LEMD1: variants seen among roughly 807,000 people sequenced by gnomAD.
LEMD1 encodes the protein LEM domain containing 1.
A neutral mutation model predicts 17.4 loss-of-function variants in LEMD1; 18 were observed. The observed-to-expected ratio is 1.04, with a 90% CI of 0.72 to 1.54. LEMD1 has a LOEUF of 1.54. Ranked by LOEUF, LEMD1 falls within the 40% of genes most tolerant of loss-of-function variation. The pLI is 0.00. For missense variants in LEMD1, 195 were observed against 210.4 expected, an observed-to-expected ratio of 0.93 and a Z score of 0.45; for synonymous variants, 88 against 77.8, an observed-to-expected ratio of 1.13 and a Z score of -0.69.
chr1:205,444,724 G>A (rs1437008935), intron 1 of LEMD1, among the ~76,000 whole-genome samples: 1 of 152,162 alleles, frequency 6.6e-6, no homozygotes. Context: ...AGAGTGGGCG[G>A]CAGCGGGGGT....
At chr1:205,444,065 T>TC (rs1666341745) in intron 1 of LEMD1, among the ~76,000 whole-genome samples, 1 of 151,014 alleles carries the variant, frequency 6.6e-6, no homozygotes, top group Non-Finnish European at 1.5e-5. Context: ...GGGGGAGGAG[T>TC]CTGGACTAGC....
At chr1:205,438,180 G>C (rs561170719) in intron 1 of LEMD1, among the ~76,000 whole-genome samples, 1 of 152,222 alleles carries the variant, frequency 6.6e-6, no homozygotes, top group Non-Finnish European at 1.5e-5. Context: ...GCCATGGGAA[G>C]TCCTCGCTTT....
chr1:205,409,816 A>G (rs1402697709), intron 4 of LEMD1, among the ~76,000 whole-genome samples: 1 of 151,262 alleles, frequency 6.6e-6, no homozygotes, highest in Non-Finnish European at 1.5e-5. Flanking sequence ...CTTGTTGCCC[A>G]GGCTGGAGGG....
At chr1:205,399,770 A>G (rs141558935) in intron 4 of LEMD1, among the ~76,000 whole-genome samples, 2 of 152,362 alleles carry the variant, frequency 1.3e-5, no homozygotes, top group East Asian at 3.8e-4. Context: ...GATGAAAAGA[A>G]ATCAATGAAT....
chr1:205,447,739 C>T lies in LEMD1; in HGVS notation c.-39+2129G>A, dbSNP rs897392739. Among the ~76,000 whole-genome samples, 3 of 127,972 alleles carry T rather than the reference C, an allele frequency of 2.3e-5. No individual in the cohort carries two copies. In the South Asian group the frequency reaches 8.5e-4, roughly 36 times the overall value. The allele number at this position is 127,972 out of a possible 152,430, so 84.0% of individuals were successfully genotyped here. On this transcript the variant is annotated intron_variant, in intron 1 of 3. Coordinates refer to the LEMD1 transcript ENST00000367154. ...CACCAGGAGCCAGGGACCCTGGAGT[C>T]CAGCCTGTCGCCCGGGGGAGCGCCT... is the stretch of plus-strand genomic sequence containing the variant.
In LEMD1 at chr1:205,392,440, G is replaced by A. The variant is rs139996389; in HGVS notation, c.271-8076C>T. 1.4e-3 allele frequency among the ~76,000 whole-genome samples: 210 copies of A among 152,154 alleles called. 1 individual carries two copies. In the East Asian group the frequency reaches 0.036, roughly 26 times the overall value. On this transcript the variant is annotated intron_variant, in intron 4 of 5. Coordinates refer to ENST00000367153, the MANE Select transcript of LEMD1 (RefSeq NM_001199050.2). Reference sequence around the variant, plus strand: ...GCCTGTAGTCCCAGCTACTCGGGAGGCTGAGGCAGGAGGATCGTTTGAGCC... The same window carrying A: ...GCCTGTAGTCCCAGCTACTCGGGAGACTGAGGCAGGAGGATCGTTTGAGCC...
At chr1:205,447,053 C>T (rs773085766) in intron 1 of LEMD1, among the ~76,000 whole-genome samples, 7 of 152,242 alleles carry the variant, frequency 4.6e-5, no homozygotes, top group Admixed American at 1.3e-4. Context: ...AACAACCTCC[C>T]GTCTGGGTAC....
At chr1:205,440,043 T>C (rs7552585) in intron 1 of LEMD1, among the ~76,000 whole-genome samples, 133,496 of 151,944 alleles carry the variant, frequency 0.88, 59,625 homozygotes, top group East Asian at 0.99. Flanking sequence ...GCACCACATA[T>C]GAACGCAGTC....
At chr1:205,437,974 T>C (rs1666235812) in intron 1 of LEMD1, 1 of 152,204 alleles carries the variant, frequency 6.6e-6, no homozygotes, top group Admixed American at 6.5e-5. Flanking sequence ...TGAACCCATA[T>C]GCTACATGCA....
At chr1:205,419,179 G>A (rs753137212) in intron 3 of LEMD1, 51 bp downstream of exon 3, 27 of 1,594,908 alleles carry the variant, frequency 1.7e-5, no homozygotes, top group South Asian at 1.1e-5. Context: ...TGCTGGACAA[G>A]GTATTAATAA....
At chr1:205,445,846 G>A (rs1020462150) in intron 1 of LEMD1, among the ~76,000 whole-genome samples, 2 of 152,180 alleles carry the variant, frequency 1.3e-5, no homozygotes, top group Non-Finnish European at 2.9e-5. Context: ...TCAAACTTTC[G>A]AAAGATGGGG....
rs1301647469 is a variant in LEMD1, at chr1:205,441,639, T to G, written c.-39+8229A>C. 6.6e-6 allele frequency among the ~76,000 whole-genome samples: 1 copy of G among 152,168 alleles called. No individual in the cohort carries two copies. The highest frequency in any genetic ancestry group is 1.5e-5 in the Non-Finnish European group (1 of 68,026). ...CCTAGGAAAGCCTATAGGGAGCAAT[T>G]ATACCCTTCCTTTGACTGCTCAGGG... On this transcript the variant is annotated intron_variant, in intron 1 of 3. Transcript: ENST00000367154. This position sits in a 1 kb window ranked among gnomAD's most constrained non-coding sequence, Gnocchi z 4.3.
chr1:205,395,388 A>G (rs984209945), intron 4 of LEMD1, among the ~76,000 whole-genome samples: 4 of 152,124 alleles, frequency 2.6e-5, no homozygotes, highest in Non-Finnish European at 5.9e-5. Context: ...TGAGGTTGGG[A>G]GTTTGAGACC....
intron 1 of LEMD1, among the ~76,000 whole-genome samples, chr1:205,440,076 GAAGAAA>G (rs1666268033): frequency 6.6e-6 from 1 of 152,074 alleles, no homozygotes; most frequent in Admixed American, 6.5e-5. Context: ...TCTGAGGAGA[GAAGAAA>G]AAGGCAGGGG....
intron 4 of LEMD1, among the ~76,000 whole-genome samples, chr1:205,413,110 C>A (rs948849590): frequency 2.6e-5 from 4 of 152,108 alleles, no homozygotes; most frequent in Admixed American, 6.6e-5. Context: ...TTGAAGATTT[C>A]TTTTCATTTG....
intron 4 of LEMD1, among the ~76,000 whole-genome samples, chr1:205,400,848 C>T (rs1475173127): frequency 8.9e-6 from 1 of 112,116 alleles, no homozygotes; most frequent in African/African-American, 3.0e-5. Flanking sequence ...ATCCCTCCCC[C>T]CCCCCACCCC....
chr1:205,428,015 C>T (rs1000190541), intron 1 of LEMD1, among the ~76,000 whole-genome samples: 12 of 152,144 alleles, frequency 7.9e-5, no homozygotes, highest in Non-Finnish European at 1.0e-4. Flanking sequence ...TGACTGGCAA[C>T]GGGTGAGGCT....
chr1:205,391,175 G>A (rs1208314868), intron 4 of LEMD1, among the ~76,000 whole-genome samples: 1 of 152,070 alleles, frequency 6.6e-6, no homozygotes, highest in African/African-American at 2.4e-5. Context: ...ATGGACCATT[G>A]GAAAACAGTA....
intron 1 of LEMD1, among the ~76,000 whole-genome samples, chr1:205,439,073 C>T (rs879229651): frequency 2.6e-5 from 4 of 152,168 alleles, no homozygotes; most frequent in Non-Finnish European, 5.9e-5. Flanking sequence ...ATTGCAGCCT[C>T]GCAGGTGACC....
Sources: allele counts gnomAD v4.1 joint callset (sites outside exome capture counted in the v4.1 genomes callset), GRCh38; gene constraint gnomAD v4.1.1; non-coding constraint Gnocchi (gnomAD v3.1); transcripts MANE v1.5; gene names NCBI Gene and HGNC (gene_info 2026-07-23, HGNC 2026-07-21).